ZC3H14: variants seen among roughly 807,000 people sequenced by gnomAD.
ZC3H14 encodes the protein zinc finger CCCH-type containing 14, also known as zinc finger CCCH domain-containing protein 14.
Under a neutral mutation model 92.4 loss-of-function variants are expected in ZC3H14, and 31 were observed. The ratio of observed to expected loss-of-function variants is 0.34; its 90% CI spans 0.25 to 0.45. The LOEUF is 0.45. Ranked by LOEUF, ZC3H14 falls within the 20% of genes least tolerant of loss-of-function variation. ZC3H14 has a pLI of 1.00. For synonymous variants in ZC3H14, 321 were observed against 300.9 expected, an observed-to-expected ratio of 1.07 and a Z score of -0.69; for missense variants, 781 against 897.3, an observed-to-expected ratio of 0.87 and a Z score of 1.66.
chr14:88,618,921 T>G lies in ZC3H14; in HGVS notation c.*7170T>G. On this transcript the variant is annotated 3_prime_UTR_variant, in exon 17 of 17. Coordinates refer to ENST00000251038, the MANE Select transcript of ZC3H14 (RefSeq NM_024824.5). ...CTTAAAAGTAACGTGTGATAAGGCC[T>G]CAAATAGATTTACCTGTCAGACACA... 9.2e-7 allele frequency: 1 copy of G among 1,087,700 alleles called. No individual in the cohort carries two copies. The highest frequency in any genetic ancestry group is 2.6e-5 in the East Asian group (1 of 38,194). The allele number at this position is 1,087,700 out of a possible 1,614,324, so 67.4% of individuals were successfully genotyped here.
chr14:88,603,994 G>A (rs1242333780), intron 12 of ZC3H14, among the ~76,000 whole-genome samples: 1 of 152,154 alleles, frequency 6.6e-6, no homozygotes, highest in African/African-American at 2.4e-5. Context: ...TTAGTGGAGG[G>A]AGTTGAAAAT....
At chr14:88,600,745 C>G (rs1477609120) in intron 10 of ZC3H14, among the ~76,000 whole-genome samples, 1 of 152,284 alleles carries the variant, frequency 6.6e-6, no homozygotes, top group East Asian at 1.9e-4. Flanking sequence ...AACCGCCACA[C>G]CAGGCCACTT....
rs2087136062 is a variant in ZC3H14, at chr14:88,613,438, GAAC to G, written c.*1690_*1692del. 6.6e-6 allele frequency: 1 copy of G among 152,072 alleles called. No homozygotes were observed. Among genetic ancestry groups the G allele is most frequent in the African/African-American group, 2.4e-5 (1 of 41,402 alleles). 9.4% of individuals were successfully genotyped at this position (152,072 alleles called of 1,614,324 possible). The stretch of plus-strand genomic sequence containing the variant: ...GTTCTCAGTTTCACTATAAATTATA[GAAC>G]AAATGGGAAACAAGGGTTTAATTTA... On this transcript the variant is annotated 3_prime_UTR_variant, in exon 17 of 17. Transcript: ENST00000251038.
At position 88,571,138 on chromosome 14, in the gene ZC3H14, C is replaced by T. The variant is rs1595516928; in HGVS notation, c.235+14C>T. On this transcript the variant is annotated intron_variant, in intron 4 of 16. Coordinates refer to ENST00000251038, the MANE Select transcript of ZC3H14 (RefSeq NM_024824.5). ...CTGTTACAACTGGTAAGATTCATAA[C>T]TTTTTTTTTTAATTTCTGCTTGCTA... 1 of 1,460,600 alleles carries T rather than the reference C, an allele frequency of 6.8e-7. No homozygotes were observed. Among genetic ancestry groups the T allele is most frequent in the Non-Finnish European group, 9.4e-7 (1 of 1,064,220 alleles). 90.5% of individuals were successfully genotyped at this position (1,460,600 alleles called of 1,614,324 possible). A position where few individuals can be genotyped will look rare whatever the true frequency, so the allele number is the denominator to read the frequency against.
rs1029830084 is a variant in ZC3H14 at position 88,595,170 on chromosome 14, C to T, written c.1280-1564C>T. 53 of 1,593,676 alleles carry T rather than the reference C, an allele frequency of 3.3e-5. No homozygotes were observed. The African/African-American group carries it at 5.0e-4, about 15-fold the overall frequency. On this transcript the variant is annotated intron_variant, in intron 9 of 16. Transcript: ENST00000251038. ...CCATCCTTTGATCTGTATCTTTCCACGTATGTTGACTGTAGCTCTGATGTG... is the reference window on the plus strand; with the variant it reads ...CCATCCTTTGATCTGTATCTTTCCATGTATGTTGACTGTAGCTCTGATGTG...
chr14:88,627,128 A>T lies in ZC3H14; in HGVS notation c.*15377A>T. 1.4e-6 allele frequency: 2 copies of T among 1,434,674 alleles called. No individual in the cohort carries two copies. Among genetic ancestry groups the T allele is most frequent in the South Asian group, 2.4e-5 (2 of 84,680 alleles). The allele number at this position is 1,434,674 out of a possible 1,614,324, so 88.9% of individuals were successfully genotyped here. A position where few individuals can be genotyped will look rare whatever the true frequency, so the allele number is the denominator to read the frequency against. On this transcript the variant is annotated 3_prime_UTR_variant, in exon 17 of 17. Transcript: ENST00000251038. ...CATCAAACAAATATGTAAAATACAT[A>T]GTTCAAAAAACAAAGGCTTAGAAGA... is the stretch of plus-strand genomic sequence containing the variant.
intron 12 of ZC3H14, among the ~76,000 whole-genome samples, chr14:88,605,484 C>G (rs2085248175): frequency 6.6e-6 from 1 of 152,098 alleles, no homozygotes; most frequent in African/African-American, 2.4e-5. Context: ...AGGTGCACAC[C>G]ACCATGCCTG....
At chr14:88,594,992 A>G (rs777968419) in intron 9 of ZC3H14, 1 of 1,613,962 alleles carries the variant, frequency 6.2e-7, no homozygotes, top group South Asian at 1.1e-5. Flanking sequence ...GTTAAAATGA[A>G]TGAATATTCA....
At chr14:88,594,305 C>A in intron 9 of ZC3H14, 1 of 685,756 alleles carries the variant, frequency 1.5e-6, no homozygotes, top group Non-Finnish European at 1.8e-6. Flanking sequence ...CTTCAGTGCT[C>A]TCATCATATG....
chr14:88,579,130 A>G (rs1423323983), intron 9 of ZC3H14, among the ~76,000 whole-genome samples: 1 of 152,182 alleles, frequency 6.6e-6, no homozygotes, highest in Non-Finnish European at 1.5e-5. Flanking sequence ...ATACTTTTCA[A>G]GAACCTTGGA....
chr14:88,576,034 G>A, intron 8 of ZC3H14, 94 bp downstream of exon 8: 1 of 1,111,174 alleles, frequency 9.0e-7, no homozygotes. Flanking sequence ...TAAAATAAAG[G>A]TGCCTGTCAG....
At chr14:88,586,471 T>C (rs2082485865) in intron 9 of ZC3H14, 1 of 152,204 alleles carries the variant, frequency 6.6e-6, no homozygotes, top group African/African-American at 2.4e-5. Context: ...TTGTTAGTTA[T>C]TTGCTCTCCA....
intron 8 of ZC3H14, 36 bp downstream of exon 8, chr14:88,575,976 C>T (rs764782678): frequency 7.9e-5 from 120 of 1,518,432 alleles, no homozygotes; most frequent in Non-Finnish European, 1.1e-4. Context: ...CTTGGTAAGA[C>T]ATTTCTGTAA....
intron 1 of ZC3H14, 106 bp downstream of exon 1, chr14:88,563,275 C>T: frequency 6.5e-7 from 1 of 1,538,608 alleles, no homozygotes; most frequent in South Asian, 1.2e-5. Flanking sequence ...GCCTGGCCTC[C>T]GCTGGACGCT....
chr14:88,575,741 A>T, intron 7 of ZC3H14, 99 bp from the exon 8 acceptor site: 1 of 1,004,804 alleles, frequency 1.0e-6, no homozygotes. Flanking sequence ...TAGTCTGTTT[A>T]AAACCTAGAG....
rs2086870820 is a variant in ZC3H14, at chr14:88,612,065, G to C, written c.*314G>C. On this transcript the variant is annotated 3_prime_UTR_variant, in exon 17 of 17. Coordinates refer to ENST00000251038, the MANE Select transcript of ZC3H14 (RefSeq NM_024824.5). ...GATCAGCATATGAAATTGACATCAT[G>C]GTTAGTCATGGTACTGCAGCTTAGG... 2 of 389,720 alleles carry C rather than the reference G, an allele frequency of 5.1e-6. No homozygotes were observed. The highest frequency in any genetic ancestry group is 9.4e-6 in the Non-Finnish European group (2 of 212,986). 24.1% of individuals were successfully genotyped at this position (389,720 alleles called of 1,614,324 possible).
At position 88,617,892 on chromosome 14, in the gene ZC3H14, C is replaced by T. The variant is rs1183476072; in HGVS notation, c.*6141C>T. 1 of 172,478 alleles carries T rather than the reference C, an allele frequency of 5.8e-6. No homozygotes were observed. The highest frequency in any genetic ancestry group is 1.5e-4 in the East Asian group (1 of 6,460). 10.7% of individuals were successfully genotyped at this position (172,478 alleles called of 1,614,324 possible). A position where few individuals can be genotyped will look rare whatever the true frequency, so the allele number is the denominator to read the frequency against. Reference sequence around the variant, plus strand: ...CTTCTAATAGATTCAAGATAGCATTCCTTTAGATAGAGAATTAATAACAGT... The same window carrying T: ...CTTCTAATAGATTCAAGATAGCATTTCTTTAGATAGAGAATTAATAACAGT... On this transcript the variant is annotated 3_prime_UTR_variant, in exon 17 of 17. Coordinates refer to ENST00000251038, the MANE Select transcript of ZC3H14 (RefSeq NM_024824.5).
chr14:88,571,984 A>T, intron 4 of ZC3H14, 46 bp from the exon 5 acceptor site: 1 of 1,398,054 alleles, frequency 7.2e-7, no homozygotes, highest in Non-Finnish European at 9.6e-7. Flanking sequence ...AATAAATAAA[A>T]ATAAGAAATA....
chr14:88,618,442 A>T lies in ZC3H14; in HGVS notation c.*6691A>T. On this transcript the variant is annotated 3_prime_UTR_variant, in exon 17 of 17. Coordinates refer to ENST00000251038, the MANE Select transcript of ZC3H14 (RefSeq NM_024824.5). ...CTACTTGATTTACATGTCTAACATT[A>T]TTAAGTATGCAAAAGATCACTACAA... 8.8e-7 allele frequency: 1 copy of T among 1,132,518 alleles called. No homozygotes were observed. The highest frequency in any genetic ancestry group is 2.2e-5 in the Admixed American group (1 of 45,938). The allele number at this position is 1,132,518 out of a possible 1,614,324, so 70.2% of individuals were successfully genotyped here.
Sources: gnomAD v4.1 joint callset for allele counts (sites outside exome capture counted in the v4.1 genomes callset) on GRCh38, gnomAD v4.1.1 for gene constraint, MANE v1.5 for transcripts, NCBI Gene and HGNC (gene_info 2026-07-23, HGNC 2026-07-21) for gene names.